Variants in SIN3B observed in about 807,000 individuals in gnomAD.
SIN3B encodes the protein SIN3 transcription regulator family member B.
Under a neutral mutation model 120.2 loss-of-function variants are expected in SIN3B, and 19 were observed. The ratio of observed to expected loss-of-function variants is 0.16; its 90% CI spans 0.11 to 0.23. SIN3B has a LOEUF of 0.23. Ranked by LOEUF, SIN3B falls within the 10% of genes least tolerant of loss-of-function variation. The probability of loss-of-function intolerance (pLI) is 1.00; values close to 1 mark genes in which losing one functional copy is unlikely to be tolerated. For synonymous variants in SIN3B, 654 were observed against 653.2 expected (o/e 1.00, Z -0.02); for missense variants, 1,073 against 1,573.0 (o/e 0.68, Z 5.38).
At chr19:16,855,369 T>TCCCCCCCCCC (rs1491247135) in intron 8 of SIN3B, 2 of 31,742 alleles carry the variant, frequency 6.3e-5, no homozygotes, top group African/African-American at 1.2e-4. Context: ...GGGAGAAACC[T>TCCCCCCCCCC]TCCCCCCCCC....
chr19:16,862,869 T>C lies in SIN3B; in HGVS notation c.1266+310T>C, dbSNP rs1971708050. ...TCTGTCCCGGGCTCACTGACCTCAG[T>C]GTGTTTCTGTTTAGCTTGACCATTG... is the stretch of plus-strand genomic sequence containing the variant. On this transcript the variant is annotated intron_variant, in intron 9 of 18. Transcript: ENST00000248054. The surrounding 1 kb of genome is among the most constrained non-coding windows in gnomAD (Gnocchi z 4.7). The C allele has an allele frequency of 6.2e-7, 1 of 1,603,068 alleles. No individual in the cohort carries two copies. The highest frequency in any genetic ancestry group is 8.5e-7 in the Non-Finnish European group (1 of 1,169,890).
At chr19:16,836,496 G>T (rs888535608) in intron 3 of SIN3B, among the ~76,000 whole-genome samples, 3 of 152,234 alleles carry the variant, frequency 2.0e-5, no homozygotes, top group Non-Finnish European at 2.9e-5. Context: ...ACACCACCCT[G>T]GGTTATGTAT....
intron 3 of SIN3B, among the ~76,000 whole-genome samples, chr19:16,840,149 C>T (rs923108740): frequency 6.6e-6 from 1 of 152,150 alleles, no homozygotes; most frequent in East Asian, 1.9e-4. Context: ...TGTCATCCCC[C>T]CACCCCACAT....
chr19:16,853,395 A>G (rs1971570118), intron 7 of SIN3B, among the ~76,000 whole-genome samples: 1 of 152,270 alleles, frequency 6.6e-6, no homozygotes, highest in African/African-American at 2.4e-5. Context: ...CAAGCAGAGT[A>G]TGAAGACATA....
At chr19:16,835,178 G>A (rs1392554537) in intron 3 of SIN3B, among the ~76,000 whole-genome samples, 2 of 151,260 alleles carry the variant, frequency 1.3e-5, no homozygotes, top group South Asian at 2.1e-4. Context: ...TGCCTGCCTC[G>A]GCCTCCCAAA....
intron 5 of SIN3B, among the ~76,000 whole-genome samples, chr19:16,851,019 C>T (rs1971537644): frequency 6.6e-6 from 1 of 152,250 alleles, no homozygotes; most frequent in Non-Finnish European, 1.5e-5. Context: ...CCCTTGCTGC[C>T]TGTTTCTCTG....
chr19:16,844,639 T>C (rs1971457916), intron 4 of SIN3B, among the ~76,000 whole-genome samples: 1 of 152,212 alleles, frequency 6.6e-6, no homozygotes, highest in Non-Finnish European at 1.5e-5. Context: ...TGCAGGTTCA[T>C]GGGAAACAGA....
At chr19:16,834,921 T>C (rs1038406157) in intron 3 of SIN3B, among the ~76,000 whole-genome samples, 2 of 151,228 alleles carry the variant, frequency 1.3e-5, no homozygotes, top group Non-Finnish European at 2.9e-5. Flanking sequence ...TTCTTTTCTT[T>C]CTTTTTTTTT....
intron 3 of SIN3B, among the ~76,000 whole-genome samples, chr19:16,838,194 A>T (rs59859404): frequency 0.13 from 19,475 of 152,162 alleles, 1,612 homozygotes; most frequent in East Asian, 0.27. Flanking sequence ...TTAAATTTTT[A>T]AAAATGTTTC....
intron 5 of SIN3B, among the ~76,000 whole-genome samples, chr19:16,851,145 A>AC (rs1276649069): frequency 1.3e-5 from 2 of 150,766 alleles, no homozygotes; most frequent in African/African-American, 4.9e-5. Flanking sequence ...CCCTCCTGAA[A>AC]CCCCCAGCCC....
intron 9 of SIN3B, 118 bp from the exon 10 acceptor site, chr19:16,863,562 C>T: frequency 1.4e-6 from 1 of 728,486 alleles, no homozygotes. Flanking sequence ...TTGTATAAGG[C>T]AGTTGGTATT....
chr19:16,860,264 G>C (rs571104853), intron 8 of SIN3B, among the ~76,000 whole-genome samples: 3 of 152,334 alleles, frequency 2.0e-5, no homozygotes, highest in East Asian at 3.9e-4. Flanking sequence ...AGCTGGGCTG[G>C]GCAGCTGAAC....
At chr19:16,846,018 C>T (rs1443177301) in intron 4 of SIN3B, among the ~76,000 whole-genome samples, 1 of 152,208 alleles carries the variant, frequency 6.6e-6, no homozygotes, top group Non-Finnish European at 1.5e-5. Context: ...AGCCAGTCTC[C>T]TGCCTCGGCC....
At position 16,869,492 on chromosome 19, in the gene SIN3B, C is replaced by A. The variant is rs1476471754; in HGVS notation, c.1839C>A (p.Ala613=). 1.2e-6 allele frequency: 2 copies of A among 1,612,354 alleles called. No homozygotes were observed. The highest frequency in any genetic ancestry group is 2.2e-5 in the South Asian group (2 of 91,036). The part of the protein sequence containing the change: ...HQEQHSEGRS[A]PSSEPHLIFV... ...AGCAGCACTCGGAGGGCCGCAGTGC[C>A]CCCTCTAGCGAGCCGCACCTCATCT... Residue 613 remains alanine, a synonymous_variant, in exon 13 of 19, where the codon GCC becomes GCA. Coordinates refer to ENST00000248054, the MANE Select transcript of SIN3B (RefSeq NM_001297595.2).
intron 4 of SIN3B, among the ~76,000 whole-genome samples, chr19:16,845,040 TAGAAG>T (rs1454243135): frequency 1.3e-5 from 2 of 152,182 alleles, no homozygotes; most frequent in African/African-American, 4.8e-5. Flanking sequence ...CTGCACAAAA[TAGAAG>T]AGAAGCAAAC....
chr19:16,839,985 CAG>C (rs1009018245), intron 3 of SIN3B, among the ~76,000 whole-genome samples: 3 of 152,134 alleles, frequency 2.0e-5, no homozygotes, highest in African/African-American at 7.2e-5. Flanking sequence ...GCCTGGGAGA[CAG>C]AGCAAGACTC....
Position 16,862,901 on chromosome 19 carries a change from T to G in SIN3B, c.1266+342T>G. 1.9e-6 allele frequency: 3 copies of G among 1,614,140 alleles called. No individual in the cohort carries two copies. Among genetic ancestry groups the G allele is most frequent in the Non-Finnish European group, 8.5e-7 (1 of 1,179,954 alleles). On this transcript the variant is annotated intron_variant, in intron 9 of 18. Coordinates refer to ENST00000248054, the MANE Select transcript of SIN3B (RefSeq NM_001297595.2). The surrounding 1 kb of genome is among the most constrained non-coding windows in gnomAD (Gnocchi z 4.7). ...CTGTTTAGCTTGACCATTGGACACT[T>G]CTCCAGGGTTCGTGGACAGACGATT... is the stretch of plus-strand genomic sequence containing the variant.
chr19:16,852,627 C>A (rs868849049), intron 6 of SIN3B, among the ~76,000 whole-genome samples: 3 of 152,290 alleles, frequency 2.0e-5, no homozygotes, highest in South Asian at 2.1e-4. Flanking sequence ...CATCCAAGTT[C>A]AGGTCCAAGT....
chr19:16,863,863 C>G, intron 10 of SIN3B, 67 bp downstream of exon 10: 2 of 1,087,614 alleles, frequency 1.8e-6, no homozygotes, highest in South Asian at 2.6e-5. Flanking sequence ...GGACATGCAT[C>G]CTGATCCTCC....
Sources: gnomAD v4.1 joint callset for allele counts (sites outside exome capture counted in the v4.1 genomes callset) on GRCh38, gnomAD v4.1.1 for gene constraint, Gnocchi (gnomAD v3.1) non-coding constraint, MANE v1.5 for transcripts, NCBI Gene and HGNC (gene_info 2026-07-23, HGNC 2026-07-21) for gene names.